The following FRMD4B variants were observed in gnomAD, a reference collection of about 807,000 sequenced individuals.
The protein encoded by FRMD4B is FERM domain-containing protein 4B.
A neutral mutation model predicts 141.5 loss-of-function variants in FRMD4B; 74 were observed. That is an observed-to-expected ratio of 0.52 (90% CI 0.43 to 0.63). FRMD4B has a LOEUF of 0.63. Among genes scored for constraint, FRMD4B ranks in the 30% least tolerant of loss-of-function variants. The pLI is 0.00. For missense variants in FRMD4B, 1,366 were observed against 1,253.4 expected (o/e 1.09, Z -1.36); for synonymous variants, 506 against 467.9 (o/e 1.08, Z -1.05).
rs775089962 is a variant in FRMD4B at position 69,181,717 on chromosome 3, G to A, written c.2040-7C>T. On this transcript the variant is annotated splice_region_variant and splice_polypyrimidine_tract_variant and intron_variant, in intron 20 of 22. Coordinates refer to ENST00000398540, the MANE Select transcript of FRMD4B (RefSeq NM_015123.3). ...CTGAGATGAAGATTCGGGTCTGAAAGAGGAGAAAGGCAAACTTCTCAACAC... is the reference window on the plus strand; with the variant it reads ...CTGAGATGAAGATTCGGGTCTGAAAAAGGAGAAAGGCAAACTTCTCAACAC... 5 of 1,586,514 alleles carry A rather than the reference G, an allele frequency of 3.2e-6. No homozygotes were observed. Among genetic ancestry groups the A allele is most frequent in the Non-Finnish European group, 4.3e-6 (5 of 1,161,788 alleles).
intron 2 of FRMD4B, among the ~76,000 whole-genome samples, chr3:69,432,465 C>T (rs1043864453): frequency 2.6e-5 from 4 of 152,050 alleles, no homozygotes; most frequent in Non-Finnish European, 4.4e-5. Context: ...TCATCATTTG[C>T]TAGTAATGTA....
At chr3:69,257,675 T>A (rs2106829852) in intron 5 of FRMD4B, among the ~76,000 whole-genome samples, 1 of 152,300 alleles carries the variant, frequency 6.6e-6, no homozygotes, top group East Asian at 1.9e-4. Flanking sequence ...GCTTTTTTTT[T>A]TCTTGAGACA....
intron 11 of FRMD4B, among the ~76,000 whole-genome samples, chr3:69,201,146 G>A (rs180938419): frequency 1.3e-3 from 198 of 150,742 alleles, no homozygotes; most frequent in African/African-American, 4.7e-3. Flanking sequence ...ATGAAAGGCA[G>A]AGAGCAGTTC....
At chr3:69,415,308 C>T (rs1021852920) in intron 2 of FRMD4B, among the ~76,000 whole-genome samples, 7 of 152,050 alleles carry the variant, frequency 4.6e-5, no homozygotes, top group Admixed American at 1.3e-4. Flanking sequence ...GGCTGGGCAC[C>T]CACCTCTAAA....
chr3:69,281,838 A>AATATATATATATAT (rs1553715922), intron 5 of FRMD4B, among the ~76,000 whole-genome samples: 3 of 128,232 alleles, frequency 2.3e-5, no homozygotes, highest in African/African-American at 8.6e-5. Flanking sequence ...AAAAAAAAAA[A>AATATATATATATAT]ATATATATAT....
chr3:69,460,827 C>T (rs1356190252), intron 1 of FRMD4B, among the ~76,000 whole-genome samples: 1 of 152,166 alleles, frequency 6.6e-6, no homozygotes, highest in Non-Finnish European at 1.5e-5. Context: ...TACAAAAGCT[C>T]CTCTAAGTGA....
At chr3:69,237,203 T>C (rs1381648357) in intron 7 of FRMD4B, among the ~76,000 whole-genome samples, 1 of 151,944 alleles carries the variant, frequency 6.6e-6, no homozygotes, top group Non-Finnish European at 1.5e-5. Context: ...ATTGGAAAGC[T>C]AGGGAGGAAC....
At chr3:69,267,632 T>G (rs1213334825) in intron 5 of FRMD4B, among the ~76,000 whole-genome samples, 11 of 10,604 alleles carry the variant, frequency 1.0e-3, no homozygotes, top group African/African-American at 3.6e-3. Flanking sequence ...TATATATATA[T>G]ATATAGAGAG....
chr3:69,444,657 C>T (rs1470307108), intron 1 of FRMD4B, among the ~76,000 whole-genome samples: 2 of 152,026 alleles, frequency 1.3e-5, no homozygotes. Context: ...AAGAAAATAA[C>T]CAAAACATTT....
At chr3:69,345,923 G>A (rs907493553) in intron 1 of FRMD4B, among the ~76,000 whole-genome samples, 3 of 152,110 alleles carry the variant, frequency 2.0e-5, no homozygotes, top group Non-Finnish European at 2.9e-5. Context: ...AAAGCAGAGC[G>A]CCTCCCCACC....
At chr3:69,311,502 T>G (rs1172333068) in intron 2 of FRMD4B, 145 bp from the exon 3 acceptor site, 6 of 583,694 alleles carry the variant, frequency 1.0e-5, no homozygotes, top group Non-Finnish European at 1.9e-5. Context: ...ATTAGGTTGA[T>G]GTACTATAGA....
intron 18 of FRMD4B, among the ~76,000 whole-genome samples, chr3:69,188,849 C>T (rs984982296): frequency 5.3e-5 from 8 of 151,056 alleles, no homozygotes; most frequent in Non-Finnish European, 8.8e-5. Context: ...CCACAGAGAT[C>T]GCCAACTCAA....
intron 18 of FRMD4B, among the ~76,000 whole-genome samples, chr3:69,189,593 A>T (rs2092814077): frequency 2.0e-5 from 3 of 152,192 alleles, no homozygotes; most frequent in Admixed American, 2.0e-4. Flanking sequence ...TTACTTCAAA[A>T]TAAAAAGTTA....
exon 2 of FRMD4B, chr3:69,432,685 C>T (rs1390435923): frequency 6.6e-6 from 1 of 152,088 alleles, no homozygotes; most frequent in Non-Finnish European, 1.5e-5. Flanking sequence ...CTGTAATAAT[C>T]TTCAGATTTT....
At chr3:69,331,525 G>A (rs1220565501) in intron 1 of FRMD4B, among the ~76,000 whole-genome samples, 1 of 152,178 alleles carries the variant, frequency 6.6e-6, no homozygotes, top group African/African-American at 2.4e-5. Flanking sequence ...TTAAAGTACA[G>A]TGTATTATTT....
chr3:69,248,820 C>T (rs905969656), intron 7 of FRMD4B, among the ~76,000 whole-genome samples: 2 of 152,244 alleles, frequency 1.3e-5, no homozygotes, highest in Admixed American at 1.3e-4. Context: ...GAAAGAAAGC[C>T]CCTATTAATC....
rs62254460 is a variant in FRMD4B, at chr3:69,216,220, G to A, written c.876+43C>T. 750 of 1,045,686 alleles carry A rather than the reference G, an allele frequency of 7.2e-4. 6 individuals are homozygous for A. In the African/African-American group the frequency reaches 0.01, roughly 14 times the overall value. 64.8% of individuals were successfully genotyped at this position (1,045,686 alleles called of 1,614,324 possible). ...TTTTCAACTATGTTGTGATTAACAT[G>A]TTTTGAACAGTTCAAAGTTCTCCTA... On this transcript the variant is annotated intron_variant, in intron 11 of 22. Transcript: ENST00000398540.
chr3:69,241,313 C>T (rs529431203), intron 7 of FRMD4B, among the ~76,000 whole-genome samples: 22 of 152,238 alleles, frequency 1.4e-4, no homozygotes, highest in African/African-American at 5.1e-4. Flanking sequence ...CAGCAAGAGG[C>T]TGAAATAAGA....
intron 1 of FRMD4B, among the ~76,000 whole-genome samples, chr3:69,533,952 C>A (rs1377728325): frequency 6.6e-6 from 1 of 152,186 alleles, no homozygotes; most frequent in Non-Finnish European, 1.5e-5. Context: ...CCACAGCACT[C>A]AATACATGCC....
Sources: gnomAD v4.1 joint callset for allele counts (sites outside exome capture counted in the v4.1 genomes callset) on GRCh38, gnomAD v4.1.1 for gene constraint, MANE v1.5 for transcripts, NCBI Gene and HGNC (gene_info 2026-07-23, HGNC 2026-07-21) for gene names.